The following CSNK2A1 variants were observed in gnomAD, a reference collection of about 807,000 sequenced individuals.
The protein encoded by CSNK2A1 is casein kinase 2 alpha 1.
Under a neutral mutation model 62.9 loss-of-function variants are expected in CSNK2A1, and 10 were observed. The ratio of observed to expected loss-of-function variants is 0.16; its 90% CI spans 0.10 to 0.27. CSNK2A1 has a LOEUF of 0.27. Among genes scored for constraint, CSNK2A1 ranks in the 10% least tolerant of loss-of-function variants. CSNK2A1 has a pLI of 1.00. For synonymous variants in CSNK2A1, 124 were observed against 167.8 expected, an observed-to-expected ratio of 0.74 and a Z score of 2.02; for missense variants, 160 against 492.0, an observed-to-expected ratio of 0.33 and a Z score of 6.38.
intron 1 of CSNK2A1, chr20:539,060 T>C (rs1049280174): frequency 2.0e-5 from 3 of 152,242 alleles, no homozygotes; most frequent in African/African-American, 4.8e-5. Context: ...AATTGTTTTA[T>C]AGAATCTTTG....
chr20:506,026 C>G (rs1019427318), intron 3 of CSNK2A1: 1 of 151,930 alleles, frequency 6.6e-6, no homozygotes, highest in Non-Finnish European at 1.5e-5. Context: ...CAGGCGCCCA[C>G]CACCACGCCC....
intron 2 of CSNK2A1, among the ~76,000 whole-genome samples, chr20:525,676 AAAT>A (rs1211369838): frequency 2.0e-4 from 30 of 146,886 alleles, no homozygotes; most frequent in Non-Finnish European, 4.2e-4. Context: ...AAGAAAAAAA[AAAT>A]AATAATAATT....
At chr20:493,472 T>C (rs2122525112) in intron 8 of CSNK2A1, among the ~76,000 whole-genome samples, 1 of 152,310 alleles carries the variant, frequency 6.6e-6, no homozygotes, top group Middle Eastern at 3.4e-3. Context: ...TTTAAAAGGA[T>C]TGTTCAGGTT....
intron 4 of CSNK2A1, among the ~76,000 whole-genome samples, chr20:504,007 G>C (rs987231224): frequency 1.3e-5 from 2 of 152,070 alleles, no homozygotes; most frequent in Admixed American, 6.6e-5. Flanking sequence ...GTGAAACCCC[G>C]TCTCTATTAA....
chr20:538,657 T>C (rs1303334309), intron 1 of CSNK2A1, among the ~76,000 whole-genome samples: 2 of 152,230 alleles, frequency 1.3e-5, no homozygotes, highest in South Asian at 2.1e-4. Flanking sequence ...CAACAGACAA[T>C]GACAGGGAGA....
chr20:519,855 C>A lies in CSNK2A1; in HGVS notation c.-110+8078G>T, dbSNP rs563844852. On this transcript the variant is annotated intron_variant, in intron 2 of 13. Coordinates refer to ENST00000217244, the MANE Select transcript of CSNK2A1 (RefSeq NM_177559.3). ...TGATTATACAAAAGAATAACAATAC[C>A]TTGAGGAGCTTTAAAACATAGAATA... Among the ~76,000 whole-genome samples, 4 of 152,160 alleles carry A rather than the reference C, an allele frequency of 2.6e-5. No individual in the cohort carries two copies. In the South Asian group the frequency reaches 8.3e-4, roughly 32 times the overall value.
chr20:474,661 TC>T lies in CSNK2A1; in HGVS notation c.*9299del, dbSNP rs1210564992. 6.6e-6 allele frequency: 1 copy of T among 152,184 alleles called. No individual in the cohort carries two copies. The highest frequency in any genetic ancestry group is 1.5e-5 in the Non-Finnish European group (1 of 68,042). The allele number at this position is 152,184 out of a possible 1,614,324, so 9.4% of individuals were successfully genotyped here. A position where few individuals can be genotyped will look rare whatever the true frequency, so the allele number is the denominator to read the frequency against. On this transcript the variant is annotated 3_prime_UTR_variant, in exon 14 of 14. Coordinates refer to ENST00000217244, the MANE Select transcript of CSNK2A1 (RefSeq NM_177559.3). Reference sequence around the variant, plus strand: ...TGATTTTTCAGTTTTAGGCATTAGTTCCCCTTATAAATGATGAGAGTTTAGA... The same window carrying T: ...TGATTTTTCAGTTTTAGGCATTAGTTCCCTTATAAATGATGAGAGTTTAGA...
Position 499,261 on chromosome 20 carries a change from G to A in CSNK2A1, c.360C>T (p.Asp120=). ...AGTTGGTTATATATTATACCTTGAA[G>A]TCTGTGTTGTTTACGTGTTCAAAAA... ...ALVFEHVNNT[D]FKQLYQTLTD... The change falls in exon 6 of 14, where the codon GAC becomes GAT. Residue 120 remains aspartate, a synonymous_variant. Transcript: ENST00000217244. This position sits in a 1 kb window ranked among gnomAD's most constrained non-coding sequence, Gnocchi z 4.2. 6.2e-7 allele frequency: 1 copy of A among 1,606,452 alleles called. No homozygotes were observed. Among genetic ancestry groups the A allele is most frequent in the Non-Finnish European group, 8.5e-7 (1 of 1,176,266 alleles).
intron 2 of CSNK2A1, among the ~76,000 whole-genome samples, chr20:518,226 C>A (rs1400163935): frequency 6.6e-6 from 1 of 152,182 alleles, no homozygotes; most frequent in African/African-American, 2.4e-5. Flanking sequence ...GCCTGGAAAG[C>A]CTTTGTTGAT....
Position 475,466 on chromosome 20 carries a change from A to G in CSNK2A1, c.*8495T>C, listed in dbSNP as rs1449705096. The G allele has an allele frequency of 1.3e-5, 2 of 149,928 alleles. No homozygotes were observed. The highest frequency in any genetic ancestry group is 6.6e-5 in the Admixed American group (1 of 15,068). 9.3% of individuals were successfully genotyped at this position (149,928 alleles called of 1,614,324 possible). ...CAGAGTTAAGACTCTGACTCAAAAA[A>G]AAAAAAAAAAAGTTGGTGTAATCCT... On this transcript the variant is annotated 3_prime_UTR_variant, in exon 14 of 14. Transcript: ENST00000217244.
intron 2 of CSNK2A1, among the ~76,000 whole-genome samples, chr20:525,210 C>T (rs1039464157): frequency 8.6e-5 from 13 of 152,020 alleles, no homozygotes; most frequent in African/African-American, 2.2e-4. Flanking sequence ...TAAAGCAGGA[C>T]TTAGAAATTT....
intron 2 of CSNK2A1, among the ~76,000 whole-genome samples, chr20:518,390 T>A (rs1164475750): frequency 6.6e-6 from 1 of 152,116 alleles, no homozygotes; most frequent in Non-Finnish European, 1.5e-5. Flanking sequence ...CAGGGAGGAA[T>A]TAAAGCCCTA....
intron 1 of CSNK2A1, among the ~76,000 whole-genome samples, chr20:538,996 A>G (rs1461242095): frequency 6.6e-6 from 1 of 152,218 alleles, no homozygotes; most frequent in East Asian, 1.9e-4. Flanking sequence ...AAACATCAAG[A>G]AACAGGCACA....
At chr20:523,858 C>CAAAAAAAAAAAAAAAAAAAAAA (rs11401840) in intron 2 of CSNK2A1, among the ~76,000 whole-genome samples, 5 of 45,540 alleles carry the variant, frequency 1.1e-4, no homozygotes, top group African/African-American at 4.6e-4. Context: ...GACTCCATCT[C>CAAAAAAAAAAAAAAAAAAAAAA]AAAAAAAAAA....
At position 529,165 on chromosome 20, in the gene CSNK2A1, C is replaced by T. The variant is rs561131338; in HGVS notation, c.-226-1116G>A. The stretch of plus-strand genomic sequence containing the variant: ...TCAGCCTCCCTTGTAGCTGGGACCA[C>T]GGGCATGCACCACCACTCCTGGCTA... On this transcript the variant is annotated intron_variant, in intron 1 of 13. Transcript: ENST00000217244. Among the ~76,000 whole-genome samples the T allele has an allele frequency of 1.6e-3, 239 of 150,972 alleles. 4 individuals are homozygous for T. The highest frequency in any genetic ancestry group is 4.6e-3 in the African/African-American group (191 of 41,240).
At chr20:524,674 G>A (rs1042065293) in intron 2 of CSNK2A1, among the ~76,000 whole-genome samples, 2 of 142,010 alleles carry the variant, frequency 1.4e-5, no homozygotes, top group African/African-American at 2.7e-5. Flanking sequence ...AGGTTGCAGT[G>A]GGCACTCCAG....
At chr20:519,259 G>A (rs1283020005) in intron 2 of CSNK2A1, among the ~76,000 whole-genome samples, 1 of 152,142 alleles carries the variant, frequency 6.6e-6, no homozygotes, top group Non-Finnish European at 1.5e-5. Context: ...CTTTTAATTG[G>A]TACTAGCAGA....
chr20:517,623 T>A (rs1233585666), intron 2 of CSNK2A1, among the ~76,000 whole-genome samples: 1 of 152,078 alleles, frequency 6.6e-6, no homozygotes, highest in Non-Finnish European at 1.5e-5. Flanking sequence ...AAACTGCACT[T>A]AAAGTACGCA....
At chr20:486,724 A>C (rs749407655) in intron 12 of CSNK2A1, 4 of 410,302 alleles carry the variant, frequency 9.7e-6, no homozygotes, top group Non-Finnish European at 1.8e-5. Context: ...TAGCAGAGCG[A>C]ATTTAATGAA....
Sources: allele counts gnomAD v4.1 joint callset (sites outside exome capture counted in the v4.1 genomes callset), GRCh38; gene constraint gnomAD v4.1.1; non-coding constraint Gnocchi (gnomAD v3.1); transcripts MANE v1.5; gene names NCBI Gene and HGNC (gene_info 2026-07-23, HGNC 2026-07-21).